The following UMAD1 variants were observed in gnomAD, a reference collection of about 807,000 sequenced individuals.
The protein encoded by UMAD1 is UBAP1-MVB12-associated (UMA) domain containing 1.
A neutral mutation model predicts 6.1 loss-of-function variants in UMAD1; 8 were observed. That is an observed-to-expected ratio of 1.30 (90% CI 0.76 to 2.35). The LOEUF (loss-of-function observed/expected upper bound fraction) is 2.35. Ranked by LOEUF, UMAD1 falls within the 30% of genes most tolerant of loss-of-function variation. The pLI is 0.00. For missense variants in UMAD1, 130 were observed against 78.4 expected, an observed-to-expected ratio of 1.66 and a Z score of -2.49; for synonymous variants, 56 against 31.4, an observed-to-expected ratio of 1.78 and a Z score of -2.61.
At chr7:7,798,172 G>A (rs1161967714) in intron 2 of UMAD1, among the ~76,000 whole-genome samples, 1 of 152,150 alleles carries the variant, frequency 6.6e-6, no homozygotes, top group Non-Finnish European at 1.5e-5. Flanking sequence ...TTGTGACAGA[G>A]ACCTTATGAC....
chr7:7,654,435 T>C (rs950713332), intron 1 of UMAD1, among the ~76,000 whole-genome samples: 2 of 152,220 alleles, frequency 1.3e-5, no homozygotes, highest in Non-Finnish European at 2.9e-5. Flanking sequence ...AGTACAGTTA[T>C]CCTTCGGTAT....
chr7:7,772,287 G>C (rs1214427932), intron 2 of UMAD1: 1 of 152,190 alleles, frequency 6.6e-6, no homozygotes, highest in African/African-American at 2.4e-5. Flanking sequence ...AAAACCGTTT[G>C]TTGTACTTTT....
intron 3 of UMAD1, among the ~76,000 whole-genome samples, chr7:7,841,311 G>C (rs1184720249): frequency 8.2e-6 from 1 of 122,170 alleles, no homozygotes; most frequent in Non-Finnish European, 1.7e-5. Flanking sequence ...TATAACAAGT[G>C]ATCTTTTTTT....
rs1283492596 is a variant in UMAD1 at position 7,877,347 on chromosome 7, A to C, written c.223A>C (p.Thr75Pro). The C allele has an allele frequency of 1.4e-6, 1 of 717,376 alleles. No individual in the cohort carries two copies. The highest frequency in any genetic ancestry group is 1.7e-5 in the African/African-American group (1 of 57,252). 44.4% of individuals were successfully genotyped at this position (717,376 alleles called of 1,614,324 possible). ...TGAGATGGAAAATAAGGCAGGCCAGACTCTGGAGAACAGCTCATTAATGGC... is the reference window on the plus strand; with the variant it reads ...TGAGATGGAAAATAAGGCAGGCCAGCCTCTGGAGAACAGCTCATTAATGGC... ...DPEMENKAGQ[T>P]LENSSLMAEL... The change falls in exon 4 of 4, where the codon ACT becomes CCT. Residue 75 changes from threonine (T) to proline (P), a missense_variant. By Grantham distance (38) the Thr-to-Pro change is conservative. Transcript: ENST00000682710.
intron 3 of UMAD1, among the ~76,000 whole-genome samples, chr7:7,867,489 A>T (rs541884239): frequency 6.6e-6 from 1 of 152,328 alleles, no homozygotes; most frequent in South Asian, 2.1e-4. Flanking sequence ...AACAAAACTA[A>T]CAAGTGTACC....
chr7:7,853,275 G>A (rs181711672), intron 3 of UMAD1, among the ~76,000 whole-genome samples: 5 of 152,226 alleles, frequency 3.3e-5, no homozygotes, highest in Admixed American at 2.6e-4. Flanking sequence ...AACTTTGTTC[G>A]TTTTCAAGAT....
chr7:7,817,716 A>G (rs1482591985), intron 3 of UMAD1, among the ~76,000 whole-genome samples: 1 of 151,842 alleles, frequency 6.6e-6, no homozygotes, highest in African/African-American at 2.4e-5. Context: ...TGTATTTTGG[A>G]TTTTCTTTTC....
At chr7:7,641,282 G>C (rs866860837) in intron 1 of UMAD1, 2 of 152,168 alleles carry the variant, frequency 1.3e-5, no homozygotes, top group African/African-American at 4.8e-5. Flanking sequence ...CTCCGTGTTG[G>C]CAGCCAATAG....
intron 3 of UMAD1, among the ~76,000 whole-genome samples, chr7:7,806,263 C>T (rs1451999045): frequency 6.6e-6 from 1 of 151,080 alleles, no homozygotes. Flanking sequence ...TTTTACTTCC[C>T]CCCTCTAAAA....
chr7:7,875,432 T>C (rs905211908), intron 3 of UMAD1, among the ~76,000 whole-genome samples: 1 of 151,928 alleles, frequency 6.6e-6, no homozygotes, highest in Non-Finnish European at 1.5e-5. Context: ...ACAAAATAGA[T>C]GGACCATTAA....
At chr7:7,695,281 C>G (rs1430997323) in intron 2 of UMAD1, among the ~76,000 whole-genome samples, 1 of 152,126 alleles carries the variant, frequency 6.6e-6, no homozygotes, top group African/African-American at 2.4e-5. Flanking sequence ...CAACATTTTC[C>G]CCACCACAGT....
intron 2 of UMAD1, among the ~76,000 whole-genome samples, chr7:7,679,402 T>TA (rs1399235557): frequency 0.011 from 73 of 6,658 alleles, 30 homozygotes; most frequent in African/African-American, 0.025. Context: ...AATTTATAGA[T>TA]AATATATATT....
At chr7:7,646,179 G>A (rs1785089652) in intron 1 of UMAD1, among the ~76,000 whole-genome samples, 1 of 152,208 alleles carries the variant, frequency 6.6e-6, no homozygotes, top group Non-Finnish European at 1.5e-5. Flanking sequence ...CCCACACCCA[G>A]TGCATCCTGA....
chr7:7,825,160 G>A (rs575218237), intron 3 of UMAD1, among the ~76,000 whole-genome samples: 2 of 152,048 alleles, frequency 1.3e-5, no homozygotes, highest in African/African-American at 4.8e-5. Flanking sequence ...GCAGGGGGGA[G>A]TGTAATCTTC....
At position 7,722,843 on chromosome 7, in the gene UMAD1, T is replaced by G. The variant is rs528937466; in HGVS notation, c.82+49390T>G. On this transcript the variant is annotated intron_variant, in intron 2 of 3. Transcript: ENST00000682710. The stretch of plus-strand genomic sequence containing the variant: ...AAGAATGGGACCCTGCAACTTGGAA[T>G]GGGGACGTGTGGGAGGACCCTGATG... Among the ~76,000 whole-genome samples the G allele has an allele frequency of 2.6e-5, 4 of 152,272 alleles. No individual in the cohort carries two copies. The South Asian group carries it at 8.3e-4, about 32-fold the overall frequency.
At position 7,673,603 on chromosome 7, in the gene UMAD1, G is replaced by C. The variant is rs1046650635; in HGVS notation, c.82+150G>C. On this transcript the variant is annotated intron_variant, in intron 2 of 3. Transcript: ENST00000682710. Reference sequence around the variant, plus strand: ...TTTAAAGCGTAAAATCTGTAAAGATGAAAGTCATCAATTACTTGGAATAGT... The same window carrying C: ...TTTAAAGCGTAAAATCTGTAAAGATCAAAGTCATCAATTACTTGGAATAGT... The C allele has an allele frequency of 4.2e-5, 25 of 599,810 alleles. No individual in the cohort carries two copies. The African/African-American group carries it at 4.4e-4, about 11-fold the overall frequency. The allele number at this position is 599,810 out of a possible 1,614,324, so 37.2% of individuals were successfully genotyped here.
At chr7:7,861,385 G>GA (rs1379244208) in intron 3 of UMAD1, among the ~76,000 whole-genome samples, 3 of 152,154 alleles carry the variant, frequency 2.0e-5, no homozygotes, top group Non-Finnish European at 2.9e-5. Context: ...CTGGGGTGGA[G>GA]AAAACACAGC....
chr7:7,665,257 C>T (rs1779413389), intron 1 of UMAD1, among the ~76,000 whole-genome samples: 2 of 152,182 alleles, frequency 1.3e-5, no homozygotes, highest in Admixed American at 1.3e-4. Flanking sequence ...TAGTGCTCTC[C>T]TACCTCTATT....
At chr7:7,740,850 A>C (rs1330992997) in intron 2 of UMAD1, 1 of 152,094 alleles carries the variant, frequency 6.6e-6, no homozygotes, top group Non-Finnish European at 1.5e-5. Context: ...AATCTGTTTT[A>C]TCAATTGCAA....
Sources: allele counts gnomAD v4.1 joint callset (sites outside exome capture counted in the v4.1 genomes callset), GRCh38; gene constraint gnomAD v4.1.1; transcripts MANE v1.5; gene names NCBI Gene and HGNC (gene_info 2026-07-23, HGNC 2026-07-21).